Variants in BICRAL observed in about 807,000 individuals in gnomAD.
BICRAL encodes BRD4-interacting chromatin-remodeling complex-associated protein-like.
Under a neutral mutation model 91.8 loss-of-function variants are expected in BICRAL, and 8 were observed. The ratio of observed to expected loss-of-function variants is 0.09; its 90% CI spans 0.05 to 0.16. The LOEUF is 0.16. Ranked by LOEUF, BICRAL falls within the 10% of genes least tolerant of loss-of-function variation. The pLI is 1.00. For synonymous variants in BICRAL, 445 were observed against 491.1 expected (o/e 0.91, Z 1.24); for missense variants, 1,038 against 1,310.9 (o/e 0.79, Z 3.21).
intron 1 of BICRAL, among the ~76,000 whole-genome samples, chr6:42,770,597 G>C (rs1409210775): frequency 6.6e-6 from 1 of 151,748 alleles, no homozygotes; most frequent in East Asian, 1.9e-4. Flanking sequence ...TGTATTTTTA[G>C]TACAGACGGG....
chr6:42,764,844 A>G (rs1177093345), intron 1 of BICRAL, among the ~76,000 whole-genome samples: 1 of 152,086 alleles, frequency 6.6e-6, no homozygotes, highest in African/African-American at 2.4e-5. Flanking sequence ...TATTTTTAGT[A>G]GAGACGGGAT....
chr6:42,806,764 C>T (rs931460961), intron 1 of BICRAL, among the ~76,000 whole-genome samples: 7 of 151,954 alleles, frequency 4.6e-5, no homozygotes, highest in African/African-American at 1.7e-4. Context: ...ATCTGCTCAC[C>T]TTGACCTCCC....
At chr6:42,785,129 T>C (rs1484422437) in intron 1 of BICRAL, among the ~76,000 whole-genome samples, 1 of 152,206 alleles carries the variant, frequency 6.6e-6, no homozygotes, top group Non-Finnish European at 1.5e-5. Flanking sequence ...GAAAAAGGTT[T>C]AGGTATCCTA....
intron 6 of BICRAL, among the ~76,000 whole-genome samples, chr6:42,844,743 A>G (rs1764939643): frequency 1.3e-5 from 2 of 152,118 alleles, no homozygotes; most frequent in African/African-American, 2.4e-5. Context: ...GACAGCTGTC[A>G]GATAAATGAA....
At chr6:42,780,054 C>T (rs1459597260), upstream of BICRAL, among the ~76,000 whole-genome samples, 3 of 152,160 alleles carry the variant, frequency 2.0e-5, no homozygotes, top group Non-Finnish European at 4.4e-5. Flanking sequence ...GCATGTGCCA[C>T]ACATACCTGG....
At chr6:42,849,041 T>C (rs1190857279) in intron 6 of BICRAL, among the ~76,000 whole-genome samples, 3 of 152,066 alleles carry the variant, frequency 2.0e-5, no homozygotes, top group Non-Finnish European at 2.9e-5. Flanking sequence ...TAATAATTCA[T>C]TGCCTGGAAT....
intron 2 of BICRAL, among the ~76,000 whole-genome samples, chr6:42,820,377 C>T (rs1266653048): frequency 6.6e-6 from 1 of 152,122 alleles, no homozygotes; most frequent in Non-Finnish European, 1.5e-5. Context: ...CCTTTATAGG[C>T]TTAATGTATG....
Position 42,754,336 on chromosome 6 carries a change from T to C in BICRAL, c.-261+7313T>C, listed in dbSNP as rs544633312. ...ACAGGCGCCCGCCACCACGCCTGGC[T>C]AATTTTTTTGTATTTTTAGTAGAGA... On this transcript the variant is annotated intron_variant, in intron 1 of 14. Coordinates refer to the BICRAL transcript ENST00000614467. Among the ~76,000 whole-genome samples, 10 of 152,088 alleles carry C rather than the reference T, an allele frequency of 6.6e-5. No homozygotes were observed. The South Asian group carries it at 1.2e-3, about 19-fold the overall frequency.
chr6:42,792,082 A>G (rs970730438), intron 1 of BICRAL, among the ~76,000 whole-genome samples: 4 of 152,206 alleles, frequency 2.6e-5, no homozygotes, highest in African/African-American at 9.7e-5. Flanking sequence ...GGCAGTTACC[A>G]TGAATGAAGC....
intron 2 of BICRAL, among the ~76,000 whole-genome samples, chr6:42,814,375 G>GTA (rs1228449980): frequency 2.0e-3 from 283 of 139,196 alleles, no homozygotes; most frequent in African/African-American, 6.4e-3. Flanking sequence ...ATATGTATAT[G>GTA]TATATATATA....
Position 42,865,047 on chromosome 6 carries a change from G to A in BICRAL, c.2841G>A (p.Ser947=), listed in dbSNP as rs41305914. 16 of 1,614,044 alleles carry A rather than the reference G, an allele frequency of 9.9e-6. No individual in the cohort carries two copies. In the Admixed American group the frequency reaches 1.0e-4, roughly 10 times the overall value. Residue 947 remains serine (S), a synonymous_variant, in exon 13 of 13, where the codon TCG becomes TCA. Coordinates refer to ENST00000314073, the MANE Select transcript of BICRAL (RefSeq NM_001393499.1). The stretch of plus-strand genomic sequence containing the variant: ...GGCACCGGAAAACCTCATCCAGATC[G>A]GATCATGGTACTGAGAGCAAACTGT... ...PEGHRKTSSR[S]DHGTESKLSS... is the part of the protein sequence containing the mutation.
chr6:42,777,903 T>C (rs1236101212), upstream of BICRAL, among the ~76,000 whole-genome samples: 1 of 152,226 alleles, frequency 6.6e-6, no homozygotes, highest in Non-Finnish European at 1.5e-5. Context: ...TATTTGCATA[T>C]AGTAAAGCCA....
intron 6 of BICRAL, among the ~76,000 whole-genome samples, chr6:42,836,286 C>T (rs1423444753): frequency 6.6e-6 from 1 of 152,074 alleles, no homozygotes; most frequent in African/African-American, 2.4e-5. Flanking sequence ...ATAAATAATG[C>T]TTCAAAGGGA....
At chr6:42,821,550 C>T (rs184570983) in intron 2 of BICRAL, among the ~76,000 whole-genome samples, 1 of 152,226 alleles carries the variant, frequency 6.6e-6, no homozygotes, top group East Asian at 1.9e-4. Context: ...TTCCTATCTT[C>T]CTAAAGATAG....
rs1023890037 is a variant in BICRAL at position 42,865,325 on chromosome 6, A to G, written c.3119A>G (p.Asn1040Ser). 1 of 1,613,912 alleles carries G rather than the reference A, an allele frequency of 6.2e-7. No homozygotes were observed. The highest frequency in any genetic ancestry group is 1.7e-5 in the Admixed American group (1 of 59,990). Residue 1040 changes from asparagine to serine, a missense_variant, in exon 13 of 13, where the codon AAC becomes AGC. Asn to Ser is a conservative substitution (Grantham distance 46). Coordinates refer to ENST00000314073, the MANE Select transcript of BICRAL (RefSeq NM_001393499.1). ...GGCTCTGTTGAGTTAGATTTCCCCA[A>G]CTTTTCTCCTATGGCTTCACAGGAA... Reference protein sequence around the residue: ...VSGSVELDFPNFSPMASQENC... With the variant: ...VSGSVELDFPSFSPMASQENC...
At chr6:42,861,267 G>A (rs964799951) in intron 11 of BICRAL, among the ~76,000 whole-genome samples, 1 of 152,058 alleles carries the variant, frequency 6.6e-6, no homozygotes, top group Non-Finnish European at 1.5e-5. Context: ...AGCCGAGATC[G>A]CACCACTGTA....
intron 7 of BICRAL, chr6:42,852,516 G>A: frequency 2.3e-6 from 1 of 429,688 alleles, no homozygotes; most frequent in Non-Finnish European, 4.6e-6. Flanking sequence ...ACAAAAATTA[G>A]CCAGGCATGG....
intron 6 of BICRAL, among the ~76,000 whole-genome samples, chr6:42,830,801 G>A (rs1439293609): frequency 6.6e-6 from 1 of 152,114 alleles, no homozygotes; most frequent in African/African-American, 2.4e-5. Flanking sequence ...ATTTTTTGTA[G>A]ATTTGGGGTT....
intron 1 of BICRAL, among the ~76,000 whole-genome samples, chr6:42,804,488 A>G (rs1763657123): frequency 1.3e-5 from 2 of 152,198 alleles, no homozygotes; most frequent in Admixed American, 1.3e-4. Context: ...GGATTTAAAT[A>G]AAACTAAAGA....
Sources: gnomAD v4.1 joint callset for allele counts (sites outside exome capture counted in the v4.1 genomes callset) on GRCh38, gnomAD v4.1.1 for gene constraint, MANE v1.5 for transcripts, NCBI Gene and HGNC (gene_info 2026-07-23, HGNC 2026-07-21) for gene names.